Variants in CRX observed in about 807,000 individuals in gnomAD.
CRX encodes cone-rod homeobox protein.
In CRX, 5 loss-of-function variants were observed where a neutral mutation model predicts 13.1. The observed-to-expected ratio is 0.38, with a 90% CI of 0.20 to 0.80. CRX has a LOEUF of 0.80. Among genes scored for constraint, CRX ranks in the 30% least tolerant of loss-of-function variants. The pLI is 0.43. For synonymous variants in CRX, 179 were observed against 171.1 expected (o/e 1.05, Z -0.36); for missense variants, 351 against 391.8 (o/e 0.90, Z 0.88).
At position 47,822,594 on chromosome 19, in the gene CRX, G is replaced by C. The variant is rs547297908; in HGVS notation, c.-36+584G>C. On this transcript the variant is annotated intron_variant, in intron 1 of 3. Transcript: ENST00000221996. ...GTGGCTGCAACAGGAAGAACTCCGG[G>C]TGGACTTGGGCCTGCCCGAGAGAGC... is the stretch of plus-strand genomic sequence containing the variant. Among the ~76,000 whole-genome samples the C allele has an allele frequency of 3.3e-5, 5 of 152,294 alleles. No individual in the cohort carries two copies. In the South Asian group the frequency reaches 1.0e-3, roughly 32 times the overall value.
intron 3 of CRX, among the ~76,000 whole-genome samples, chr19:47,837,793 TTGTA>T (rs1176649829): frequency 1.3e-5 from 2 of 152,098 alleles, no homozygotes; most frequent in African/African-American, 4.8e-5. Context: ...GTGTGTACAA[TTGTA>T]TGTATCATCA....
intron 1 of CRX, among the ~76,000 whole-genome samples, chr19:47,823,481 G>T (rs1043520766): frequency 6.6e-6 from 1 of 152,102 alleles, no homozygotes; most frequent in Non-Finnish European, 1.5e-5. Flanking sequence ...GCTTCCCCCA[G>T]GTCTCATGGC....
In CRX at chr19:47,839,463, T is replaced by C. The variant is rs1375157441; in HGVS notation, c.396T>C (p.Cys132=). ...CCCCAAGACCCTCCACAGATGTGTG[T>C]CCAGACCCTCTGGGCATCTCAGATT... ...GTSPRPSTDV[C]PDPLGISDSY... Residue 132 remains cysteine (C), a synonymous_variant, in exon 4 of 4, where the codon TGT becomes TGC. Transcript: ENST00000221996. The surrounding 1 kb of genome is among the most constrained non-coding windows in gnomAD (Gnocchi z 4.6). 3.1e-6 allele frequency: 5 copies of C among 1,613,932 alleles called. No homozygotes were observed. Among genetic ancestry groups the C allele is most frequent in the Non-Finnish European group, 4.2e-6 (5 of 1,179,920 alleles).
intron 1 of CRX, among the ~76,000 whole-genome samples, chr19:47,827,637 C>T (rs1402544483): frequency 7.0e-6 from 1 of 143,756 alleles, no homozygotes; most frequent in Non-Finnish European, 1.5e-5. Flanking sequence ...CTCCCGGGTT[C>T]AAGCGATTCT....
In CRX at chr19:47,841,855, T is replaced by G; in HGVS notation, c.*1888T>G. 1 of 128,322 alleles carries G rather than the reference T, an allele frequency of 7.8e-6. No homozygotes were observed. Among genetic ancestry groups the G allele is most frequent in the Non-Finnish European group, 1.8e-5 (1 of 56,092 alleles). 7.9% of individuals were successfully genotyped at this position (128,322 alleles called of 1,614,324 possible). On this transcript the variant is annotated 3_prime_UTR_variant, in exon 4 of 4. Transcript: ENST00000221996. ...CATTGGTGGAGTTCACAAGGCAAGG[T>G]GTAAAAAAAAAAGTAGGGCAGGAAG...
At chr19:47,833,561 C>G (rs141638825) in intron 1 of CRX, among the ~76,000 whole-genome samples, 1,751 of 151,014 alleles carry the variant, frequency 0.012, 22 homozygotes, top group Middle Eastern at 0.032. Context: ...GGATTACAGG[C>G]GTGAGCCACC....
chr19:47,832,295 G>A (rs1016404333), intron 1 of CRX, among the ~76,000 whole-genome samples: 12 of 147,106 alleles, frequency 8.2e-5, no homozygotes, highest in Non-Finnish European at 1.6e-4. Context: ...CTGCAGAGAC[G>A]GGGTTTCACC....
chr19:47,835,393 C>T (rs140600682), intron 2 of CRX, among the ~76,000 whole-genome samples: 6 of 149,934 alleles, frequency 4.0e-5, no homozygotes, highest in Non-Finnish European at 5.9e-5. Context: ...TTTTTTCTTT[C>T]GAGACACAGT....
In CRX at chr19:47,840,800, A is replaced by G. The variant is rs1599994442; in HGVS notation, c.*833A>G. 7.6e-6 allele frequency: 1 copy of G among 131,880 alleles called. No individual in the cohort carries two copies. The highest frequency in any genetic ancestry group is 2.4e-4 in the South Asian group (1 of 4,114). 8.2% of individuals were successfully genotyped at this position (131,880 alleles called of 1,614,324 possible). ...TCTCAGCTCACTGACTGCAACCTCC[A>G]CCTCCCGGGTTGAAGCGTTGCTCCT... On this transcript the variant is annotated 3_prime_UTR_variant, in exon 4 of 4. Coordinates refer to ENST00000221996, the MANE Select transcript of CRX (RefSeq NM_000554.6).
chr19:47,823,660 T>TG (rs956482406), intron 1 of CRX, among the ~76,000 whole-genome samples: 32 of 150,194 alleles, frequency 2.1e-4, no homozygotes, highest in Non-Finnish European at 7.4e-5. Flanking sequence ...TTTTTTTTTT[T>TG]TTTTTTTGAG....
intron 2 of CRX, among the ~76,000 whole-genome samples, chr19:47,835,728 TCTC>T (rs1330251737): frequency 6.0e-5 from 9 of 151,242 alleles, no homozygotes; most frequent in Admixed American, 5.9e-4. Context: ...TTCAAGCGAT[TCTC>T]CTCCCTCAGC....
chr19:47,836,976 G>A (rs529993397), intron 3 of CRX, among the ~76,000 whole-genome samples: 38 of 152,142 alleles, frequency 2.5e-4, no homozygotes, highest in Non-Finnish European at 5.4e-4. Context: ...ATGACTGGAA[G>A]CATGGATGAG....
chr19:47,837,061 C>T (rs568665827), intron 3 of CRX, among the ~76,000 whole-genome samples: 10 of 152,168 alleles, frequency 6.6e-5, no homozygotes, highest in Non-Finnish European at 1.0e-4. Context: ...TTTGCATGAA[C>T]GCACATAGGT....
intron 3 of CRX, among the ~76,000 whole-genome samples, chr19:47,837,944 A>T (rs1184473283): frequency 9.7e-6 from 1 of 103,538 alleles, no homozygotes; most frequent in East Asian, 2.3e-4. Context: ...GTATGTATGT[A>T]TAATTGTATG....
chr19:47,834,883 G>A (rs1029796187), intron 2 of CRX, among the ~76,000 whole-genome samples: 3 of 151,986 alleles, frequency 2.0e-5, no homozygotes, highest in African/African-American at 4.8e-5. Context: ...TGGTGGTCAC[G>A]GCTCACTGCA....
chr19:47,834,581 C>A, intron 2 of CRX, 38 bp downstream of exon 2: 1 of 1,571,488 alleles, frequency 6.4e-7, no homozygotes, highest in Non-Finnish European at 8.7e-7. Flanking sequence ...CCAGGCTGGC[C>A]TCATCTCTTG....
At chr19:47,828,680 G>T (rs1356160289) in intron 1 of CRX, among the ~76,000 whole-genome samples, 2 of 150,940 alleles carry the variant, frequency 1.3e-5, no homozygotes, top group African/African-American at 4.9e-5. Flanking sequence ...AAGTAGCTGA[G>T]CTGAGACGTG....
At chr19:47,834,618 CA>C in intron 2 of CRX, 75 bp downstream of exon 2, 1 of 1,258,862 alleles carries the variant, frequency 7.9e-7, no homozygotes, top group Non-Finnish European at 1.1e-6. Flanking sequence ...CCTTTGCCCC[CA>C]GGAAGAAGGC....
chr19:47,835,639 T>TTTTTTTTC (rs1289234772), intron 2 of CRX, among the ~76,000 whole-genome samples: 1 of 148,318 alleles, frequency 6.7e-6, no homozygotes, highest in Admixed American at 6.7e-5. Context: ...TTTTTTTTTT[T>TTTTTTTTC]CAAGACCGAG....
Sources: allele counts gnomAD v4.1 joint callset (sites outside exome capture counted in the v4.1 genomes callset), GRCh38; gene constraint gnomAD v4.1.1; non-coding constraint Gnocchi (gnomAD v3.1); transcripts MANE v1.5; gene names NCBI Gene and HGNC (gene_info 2026-07-23, HGNC 2026-07-21).